The following PLCE1 variants were observed in gnomAD, a reference collection of about 807,000 sequenced individuals.
PLCE1 encodes phospholipase C epsilon 1.
PLCE1 carries 119 observed loss-of-function variants against 242.8 expected under a neutral mutation model. The observed-to-expected ratio is 0.49, with a 90% CI of 0.42 to 0.57. The LOEUF is 0.57. Among genes scored for constraint, PLCE1 ranks in the 20% least tolerant of loss-of-function variants. The pLI, the probability that PLCE1 is intolerant of heterozygous loss-of-function variation, is 0.00. For missense variants in PLCE1, 2,441 were observed against 2,788.8 expected (o/e 0.88, Z 2.81); for synonymous variants, 945 against 1,017.4 (o/e 0.93, Z 1.35).
intron 2 of PLCE1, among the ~76,000 whole-genome samples, chr10:94,129,914 A>G (rs1267116612): frequency 3.3e-5 from 5 of 152,020 alleles, no homozygotes; most frequent in Non-Finnish European, 7.4e-5. Context: ...CTCATTCCCC[A>G]GTTATTTCCT....
At chr10:94,189,886 A>G (rs946516544) in intron 4 of PLCE1, among the ~76,000 whole-genome samples, 3 of 152,234 alleles carry the variant, frequency 2.0e-5, no homozygotes, top group Non-Finnish European at 4.4e-5. Flanking sequence ...CAAAGGTTCA[A>G]ATCCTAACCC....
chr10:94,278,267 G>A (rs2052037547), intron 19 of PLCE1, among the ~76,000 whole-genome samples: 1 of 152,048 alleles, frequency 6.6e-6, no homozygotes, highest in Admixed American at 6.5e-5. Context: ...AGAATTTAGG[G>A]AGTCTACGAA....
intron 1 of PLCE1, among the ~76,000 whole-genome samples, chr10:94,010,324 ATTCT>A (rs2061145402): frequency 6.6e-6 from 1 of 152,158 alleles, no homozygotes; most frequent in African/African-American, 2.4e-5. Context: ...CTCTGAAACC[ATTCT>A]TTCCTCCTTA....
intron 11 of PLCE1, among the ~76,000 whole-genome samples, chr10:94,255,613 T>C (rs2051044337): frequency 6.6e-6 from 1 of 152,228 alleles, no homozygotes; most frequent in Non-Finnish European, 1.5e-5. Context: ...AAGTTATGCA[T>C]GTCTAGAGGA....
chr10:94,306,966 G>A lies in PLCE1; in HGVS notation c.5884+278G>A, dbSNP rs576091916. The stretch of plus-strand genomic sequence containing the variant: ...AGGAGCAGTGGTTGTTGCTACCCAC[G>A]GCACTGCTGGCAGTTTGAAAGCAGG... On this transcript the variant is annotated intron_variant, in intron 26 of 32. Coordinates refer to ENST00000371380, the MANE Select transcript of PLCE1 (RefSeq NM_016341.4). This position sits in a 1 kb window ranked among gnomAD's most constrained non-coding sequence, Gnocchi z 5.7. Among the ~76,000 whole-genome samples, 2 of 152,160 alleles carry A rather than the reference G, an allele frequency of 1.3e-5. No homozygotes were observed. Among genetic ancestry groups the A allele is most frequent in the African/African-American group, 2.4e-5 (1 of 41,438 alleles).
intron 4 of PLCE1, among the ~76,000 whole-genome samples, chr10:94,172,686 T>C (rs1045738847): frequency 9.9e-5 from 15 of 152,150 alleles, no homozygotes; most frequent in Non-Finnish European, 2.2e-4. Flanking sequence ...TAGCTGGGCA[T>C]GGTGGTGCAC....
intron 2 of PLCE1, among the ~76,000 whole-genome samples, chr10:94,112,463 C>G (rs570560337): frequency 6.6e-6 from 1 of 152,250 alleles, no homozygotes; most frequent in South Asian, 2.1e-4. Flanking sequence ...AGGTTCATTT[C>G]CCTGAAGACA....
intron 1 of PLCE1, among the ~76,000 whole-genome samples, chr10:94,025,161 A>G (rs1210123723): frequency 6.6e-6 from 1 of 152,134 alleles, no homozygotes; most frequent in Non-Finnish European, 1.5e-5. Flanking sequence ...AATCAGCAGC[A>G]GAAGAAAGAG....
At chr10:94,264,512 ATTTTTTTTTTTTTTTTTTT>A (rs59860171) in intron 14 of PLCE1, among the ~76,000 whole-genome samples, 1 of 73,082 alleles carries the variant, frequency 1.4e-5, no homozygotes, top group Non-Finnish European at 2.7e-5. Flanking sequence ...ACATGATTTG[ATTTTTTTTTTTTTTTTTTT>A]TTTTTTTTGA....
chr10:94,003,621 T>G (rs746880451), intron 1 of PLCE1, among the ~76,000 whole-genome samples: 6 of 152,038 alleles, frequency 3.9e-5, no homozygotes, highest in African/African-American at 1.5e-4. Flanking sequence ...TGCTCCTGAG[T>G]GTGCATAGAT....
At chr10:94,248,269 C>T (rs569523043) in intron 8 of PLCE1, among the ~76,000 whole-genome samples, 1 of 152,232 alleles carries the variant, frequency 6.6e-6, no homozygotes, top group South Asian at 2.1e-4. Context: ...TAATGTTACA[C>T]AGAACAAAGC....
At chr10:94,325,254 G>A in intron 32 of PLCE1, 150 bp downstream of exon 32, 1 of 648,532 alleles carries the variant, frequency 1.5e-6, no homozygotes, top group Non-Finnish European at 2.8e-6. Flanking sequence ...CAGGAAAAGG[G>A]CTCTGAAGAT....
chr10:93,997,244 T>C (rs550038455), intron 1 of PLCE1, among the ~76,000 whole-genome samples: 5 of 152,330 alleles, frequency 3.3e-5, no homozygotes, highest in African/African-American at 1.2e-4. Context: ...GTTATGACAG[T>C]CTTTATTTTT....
intron 19 of PLCE1, 154 bp from the exon 20 acceptor site, chr10:94,279,628 C>T (rs983452833): frequency 1.7e-5 from 13 of 746,414 alleles, no homozygotes; most frequent in South Asian, 1.1e-4. Flanking sequence ...CATTGCATTT[C>T]GAGGGAATCT....
At chr10:94,018,319 A>G (rs2061316563) in intron 1 of PLCE1, among the ~76,000 whole-genome samples, 1 of 152,160 alleles carries the variant, frequency 6.6e-6, no homozygotes. Flanking sequence ...GAAATGTGCT[A>G]TGCTACTTTG....
chr10:94,214,344 A>G (rs1381589561), intron 4 of PLCE1, among the ~76,000 whole-genome samples: 6 of 152,114 alleles, frequency 3.9e-5, no homozygotes, highest in African/African-American at 1.4e-4. Flanking sequence ...GAGTGATTAC[A>G]TACACTCTCT....
chr10:94,230,702 T>G (rs1353282083), intron 5 of PLCE1, among the ~76,000 whole-genome samples: 1 of 152,176 alleles, frequency 6.6e-6, no homozygotes, highest in Non-Finnish European at 1.5e-5. Context: ...CCTCTTACCC[T>G]GGGCTCAAGT....
intron 3 of PLCE1, among the ~76,000 whole-genome samples, chr10:94,139,833 C>G (rs1277517185): frequency 1.3e-5 from 2 of 152,120 alleles, no homozygotes; most frequent in East Asian, 3.9e-4. Context: ...GGCTGGATCT[C>G]CAAGGATCCT....
chr10:94,313,445 G>C, intron 28 of PLCE1, 63 bp downstream of exon 28: 1 of 1,580,820 alleles, frequency 6.3e-7, no homozygotes. Flanking sequence ...GTATGTGTGT[G>C]TATAAATGCC....
Sources: gnomAD v4.1 joint callset for allele counts (sites outside exome capture counted in the v4.1 genomes callset) on GRCh38, gnomAD v4.1.1 for gene constraint, Gnocchi (gnomAD v3.1) non-coding constraint, MANE v1.5 for transcripts, NCBI Gene and HGNC (gene_info 2026-07-23, HGNC 2026-07-21) for gene names.